FNDC3B: variants seen among roughly 807,000 people sequenced by gnomAD.
FNDC3B encodes the protein fibronectin type III domain containing 3B.
FNDC3B carries 12 observed loss-of-function variants against 151.5 expected under a neutral mutation model. The observed-to-expected ratio is 0.08, with a 90% CI of 0.05 to 0.13. FNDC3B has a LOEUF of 0.13. Among genes scored for constraint, FNDC3B ranks in the 10% least tolerant of loss-of-function variants. The pLI is 1.00. For missense variants in FNDC3B, 1,214 were observed against 1,505.3 expected (o/e 0.81, Z 3.20); for synonymous variants, 528 against 549.0 (o/e 0.96, Z 0.54).
At chr3:172,378,559 C>A in intron 24 of FNDC3B, 123 bp downstream of exon 24, 1 of 934,556 alleles carries the variant, frequency 1.1e-6, no homozygotes, top group Non-Finnish European at 1.5e-6. Context: ...AAAGAACATT[C>A]TAAAGAAGAT....
chr3:172,318,780 AAAGTGGGGTTCT>A (rs1731940583), intron 11 of FNDC3B, among the ~76,000 whole-genome samples: 2 of 152,214 alleles, frequency 1.3e-5, no homozygotes, highest in Admixed American at 1.3e-4. Context: ...TGGGGATTGG[AAAGTGGGGTTCT>A]AAGTTCATTT....
chr3:172,138,589 C>CTAAT (rs1241503600), intron 3 of FNDC3B, among the ~76,000 whole-genome samples: 2 of 152,002 alleles, frequency 1.3e-5, no homozygotes, highest in African/African-American at 4.8e-5. Context: ...TTATTTAAGA[C>CTAAT]TATTAGATAT....
chr3:172,321,129 G>T (rs1484507533), intron 11 of FNDC3B, among the ~76,000 whole-genome samples: 3 of 152,168 alleles, frequency 2.0e-5, no homozygotes, highest in African/African-American at 7.2e-5. Context: ...AGAGAGAGAG[G>T]TGGAAAGCTG....
chr3:172,225,833 G>T (rs1054981879), intron 3 of FNDC3B: 1 of 157,088 alleles, frequency 6.4e-6, no homozygotes, highest in African/African-American at 2.4e-5. Flanking sequence ...AACCTTGAGA[G>T]TGGTGCTCTT....
chr3:172,165,254 C>T (rs972774304), intron 3 of FNDC3B, among the ~76,000 whole-genome samples: 5 of 152,196 alleles, frequency 3.3e-5, no homozygotes, highest in African/African-American at 1.2e-4. Context: ...AAGCAATCCT[C>T]CCACCTCAGC....
At chr3:172,300,687 A>T (rs965920714) in intron 9 of FNDC3B, among the ~76,000 whole-genome samples, 2 of 152,140 alleles carry the variant, frequency 1.3e-5, no homozygotes, top group African/African-American at 4.8e-5. Context: ...TTGGTATTTG[A>T]CACACATGTG....
intron 4 of FNDC3B, 151 bp from the exon 5 acceptor site, chr3:172,247,382 C>G: frequency 1.3e-6 from 1 of 760,398 alleles, no homozygotes; most frequent in Non-Finnish European, 2.1e-6. Context: ...ACTCATTTGA[C>G]TGGTTGAACT....
intron 23 of FNDC3B, among the ~76,000 whole-genome samples, chr3:172,363,243 C>T (rs1310740867): frequency 6.6e-6 from 1 of 152,126 alleles, no homozygotes; most frequent in African/African-American, 2.4e-5. Flanking sequence ...TCAGGACAAA[C>T]ATGTTTACCA....
intron 7 of FNDC3B, among the ~76,000 whole-genome samples, chr3:172,287,620 G>A (rs1472722433): frequency 6.6e-6 from 1 of 152,158 alleles, no homozygotes; most frequent in African/African-American, 2.4e-5. Flanking sequence ...TTCACTCATG[G>A]CCCCAAATGT....
intron 1 of FNDC3B, among the ~76,000 whole-genome samples, chr3:172,074,158 C>T (rs1374176847): frequency 6.6e-6 from 1 of 152,224 alleles, no homozygotes; most frequent in Non-Finnish European, 1.5e-5. Context: ...TGAAAGGCTG[C>T]TTCTAGCCTG....
rs139514312 is a variant in FNDC3B, at chr3:172,264,519, T to A, written c.790+12978T>A. 4.7e-4 allele frequency among the ~76,000 whole-genome samples: 71 copies of A among 152,340 alleles called. No homozygotes were observed. The East Asian group carries it at 9.5e-3, about 20-fold the overall frequency. ...ATTTTATATGTTTGTTTCTTGCATT[T>A]TTAGATTCTATGAATTCTCTACCCC... On this transcript the variant is annotated intron_variant, in intron 6 of 25. Transcript: ENST00000415807.
At chr3:172,242,539 C>A (rs1398621115) in intron 4 of FNDC3B, among the ~76,000 whole-genome samples, 3 of 152,210 alleles carry the variant, frequency 2.0e-5, no homozygotes, top group Non-Finnish European at 4.4e-5. Flanking sequence ...TTGGGACTTG[C>A]ACCCTTTGAA....
intron 3 of FNDC3B, among the ~76,000 whole-genome samples, chr3:172,201,241 C>G (rs1725135046): frequency 6.6e-6 from 1 of 152,206 alleles, no homozygotes; most frequent in East Asian, 1.9e-4. Context: ...GCATGGTGCC[C>G]TCTCACGAAA....
chr3:172,103,631 T>A (rs1407544804), intron 1 of FNDC3B, among the ~76,000 whole-genome samples: 2 of 152,170 alleles, frequency 1.3e-5, no homozygotes, highest in Non-Finnish European at 2.9e-5. Context: ...GCTTGTTGCT[T>A]GAACCTAGTA....
intron 25 of FNDC3B, among the ~76,000 whole-genome samples, chr3:172,394,499 T>C (rs992238265): frequency 1.1e-4 from 16 of 152,128 alleles, no homozygotes; most frequent in Non-Finnish European, 1.5e-4. Context: ...TTGGATAACC[T>C]AGAAGAAATG....
chr3:172,246,439 C>G (rs1047248596), intron 4 of FNDC3B, among the ~76,000 whole-genome samples: 5 of 152,236 alleles, frequency 3.3e-5, no homozygotes, highest in Admixed American at 2.6e-4. Context: ...TACAACTTTA[C>G]CTTTTCATCA....
intron 10 of FNDC3B, among the ~76,000 whole-genome samples, chr3:172,309,432 A>G (rs770122283): frequency 1.3e-5 from 2 of 152,222 alleles, no homozygotes; most frequent in Non-Finnish European, 2.9e-5. Flanking sequence ...AGAAACTACC[A>G]AAGAACAGTT....
intron 7 of FNDC3B, among the ~76,000 whole-genome samples, chr3:172,293,555 A>G (rs921976549): frequency 6.6e-6 from 1 of 152,172 alleles, no homozygotes; most frequent in Non-Finnish European, 1.5e-5. Context: ...AGCCCAAGGG[A>G]GGTAGACAAA....
chr3:172,153,308 C>T (rs762192869), intron 3 of FNDC3B, among the ~76,000 whole-genome samples: 2 of 152,224 alleles, frequency 1.3e-5, no homozygotes, highest in African/African-American at 2.4e-5. Flanking sequence ...TATTCTGTGT[C>T]TCCCCTGAGC....
Sources: gnomAD v4.1 joint callset for allele counts (sites outside exome capture counted in the v4.1 genomes callset) on GRCh38, gnomAD v4.1.1 for gene constraint, MANE v1.5 for transcripts, NCBI Gene and HGNC (gene_info 2026-07-23, HGNC 2026-07-21) for gene names.